BRIP1: variants seen among roughly 807,000 people sequenced by gnomAD.
BRIP1 encodes the protein BRCA1 interacting DNA helicase 1.
A neutral mutation model predicts 119.7 loss-of-function variants in BRIP1; 88 were observed. That is an observed-to-expected ratio of 0.74 (90% confidence interval 0.62 to 0.88). The LOEUF (loss-of-function observed/expected upper bound fraction) is 0.88. Ranked by LOEUF, BRIP1 falls within the 40% of genes least tolerant of loss-of-function variation. The pLI is 0.00. For missense variants in BRIP1, 1,259 were observed against 1,455.4 expected, an observed-to-expected ratio of 0.87 and a Z score of 2.20; for synonymous variants, 443 against 496.5, an observed-to-expected ratio of 0.89 and a Z score of 1.43.
At chr17:61,707,785 T>C (rs918109629) in intron 17 of BRIP1, among the ~76,000 whole-genome samples, 1 of 152,108 alleles carries the variant, frequency 6.6e-6, no homozygotes, top group African/African-American at 2.4e-5. Flanking sequence ...TAGCCTATAG[T>C]GCCTACAAAA....
Position 61,708,176 on chromosome 17 carries a change from C to T in BRIP1, c.2492+7775G>A, listed in dbSNP as rs911645975. 1.3e-5 allele frequency among the ~76,000 whole-genome samples: 2 copies of T among 152,118 alleles called. No individual in the cohort carries two copies. The highest frequency in any genetic ancestry group is 4.8e-5 in the African/African-American group (2 of 41,410). On this transcript the variant is annotated intron_variant, in intron 17 of 19. Transcript: ENST00000259008. The surrounding 1 kb of genome is among the most constrained non-coding windows in gnomAD (Gnocchi z 4.4). ...AGCCTAAAATATACACAATAGTCCC[C>T]CACAGCCACAATCTTGCCTATGGTC...
rs1276369901 is a variant in BRIP1, at chr17:61,853,221, A to G, written c.379+3837T>C. On this transcript the variant is annotated intron_variant, in intron 4 of 19. Transcript: ENST00000259008. This position sits in a 1 kb window ranked among gnomAD's most constrained non-coding sequence, Gnocchi z 4.3. ...AAGCAGAAGACAGACACAAGATTACATATATAATTCCATTTTTTTTTTTTG... is the reference window on the plus strand; with the variant it reads ...AAGCAGAAGACAGACACAAGATTACGTATATAATTCCATTTTTTTTTTTTG... 6.7e-6 allele frequency among the ~76,000 whole-genome samples: 1 copy of G among 149,556 alleles called. No individual in the cohort carries two copies. Among genetic ancestry groups the G allele is most frequent in the Non-Finnish European group, 1.5e-5 (1 of 67,292 alleles).
chr17:61,707,762 G>A (rs920310966), intron 17 of BRIP1, among the ~76,000 whole-genome samples: 4 of 151,830 alleles, frequency 2.6e-5, no homozygotes, highest in Admixed American at 1.3e-4. Flanking sequence ...CCTATCTGGG[G>A]GTTGGCAAAC....
chr17:61,688,250 G>C (rs548554164), intron 18 of BRIP1, among the ~76,000 whole-genome samples: 34 of 152,286 alleles, frequency 2.2e-4, no homozygotes, highest in Non-Finnish European at 4.7e-4. Context: ...GAGGCAGGCA[G>C]ATGACTTGAG....
chr17:61,852,093 A>C lies in BRIP1; in HGVS notation c.380-2837T>G, dbSNP rs1468948337. On this transcript the variant is annotated intron_variant, in intron 4 of 19. Transcript: ENST00000259008. The surrounding 1 kb of genome is among the most constrained non-coding windows in gnomAD (Gnocchi z 4.9). ...TCCCAAATAAATACGGGGCAAACTG[A>C]CATGGGCCTATTAAGAGGGTAGGGA... is the stretch of plus-strand genomic sequence containing the variant. 6.6e-6 allele frequency among the ~76,000 whole-genome samples: 1 copy of C among 152,236 alleles called. No homozygotes were observed. Among genetic ancestry groups the C allele is most frequent in the African/African-American group, 2.4e-5 (1 of 41,470 alleles).
rs979307741 is a variant in BRIP1, at chr17:61,690,255, T to C, written c.2575+3175A>G. Among the ~76,000 whole-genome samples the C allele has an allele frequency of 6.6e-6, 1 of 152,178 alleles. No individual in the cohort carries two copies. Among genetic ancestry groups the C allele is most frequent in the Non-Finnish European group, 1.5e-5 (1 of 68,044 alleles). ...AGCAACACAAAAGCATAAAGTTTGCTCGTGAAGTTAAAAGTGTACACAAAT... is the reference window on the plus strand; with the variant it reads ...AGCAACACAAAAGCATAAAGTTTGCCCGTGAAGTTAAAAGTGTACACAAAT... On this transcript the variant is annotated intron_variant, in intron 18 of 19. Transcript: ENST00000259008. This position sits in a 1 kb window ranked among gnomAD's most constrained non-coding sequence, Gnocchi z 5.6.
rs2078385557 is a variant in BRIP1, at chr17:61,825,150, T to C, written c.628-16393A>G. The stretch of plus-strand genomic sequence containing the variant: ...AATACAAAAAATTAGCTGGGCAAGG[T>C]GGCGGGCACCTGTAGTCTCAGCTAC... On this transcript the variant is annotated intron_variant, in intron 6 of 19. Coordinates refer to ENST00000259008, the MANE Select transcript of BRIP1 (RefSeq NM_032043.3). The surrounding 1 kb of genome is among the most constrained non-coding windows in gnomAD (Gnocchi z 4.1). Among the ~76,000 whole-genome samples the C allele has an allele frequency of 6.6e-6, 1 of 151,888 alleles. No homozygotes were observed. The highest frequency in any genetic ancestry group is 1.9e-4 in the East Asian group (1 of 5,168).
rs1362074432 is a variant in BRIP1, at chr17:61,807,228, C to A, written c.918+1239G>T. Among the ~76,000 whole-genome samples the A allele has an allele frequency of 1.3e-5, 2 of 152,062 alleles. No homozygotes were observed. Among genetic ancestry groups the A allele is most frequent in the African/African-American group, 4.8e-5 (2 of 41,396 alleles). ...AGCTTTATTTTATTATTTTTGAACACCTGACACTTAATACTTTCATCTCTC... is the reference window on the plus strand; with the variant it reads ...AGCTTTATTTTATTATTTTTGAACAACTGACACTTAATACTTTCATCTCTC... On this transcript the variant is annotated intron_variant, in intron 7 of 19. Coordinates refer to ENST00000259008, the MANE Select transcript of BRIP1 (RefSeq NM_032043.3). The surrounding 1 kb of genome is among the most constrained non-coding windows in gnomAD (Gnocchi z 4.5).
intron 16 of BRIP1, among the ~76,000 whole-genome samples, chr17:61,732,836 C>T (rs947822033): frequency 8.6e-5 from 13 of 151,944 alleles, no homozygotes; most frequent in African/African-American, 1.7e-4. Flanking sequence ...GAATTACAGA[C>T]GTGTGCCACC....
In BRIP1 at chr17:61,746,308, T is replaced by C. The variant is rs1420726129; in HGVS notation, c.2098-1717A>G. Among the ~76,000 whole-genome samples, 2 of 140,896 alleles carry C rather than the reference T, an allele frequency of 1.4e-5. No individual in the cohort carries two copies. Among genetic ancestry groups the C allele is most frequent in the African/African-American group, 5.4e-5 (2 of 37,320 alleles). 92.4% of individuals were successfully genotyped at this position (140,896 alleles called of 152,430 possible). ...GAGGAATAGAGGAACAAAAAAGCTGTAGTTAGACAGAAAACAATTATTGAA... is the reference window on the plus strand; with the variant it reads ...GAGGAATAGAGGAACAAAAAAGCTGCAGTTAGACAGAAAACAATTATTGAA... On this transcript the variant is annotated intron_variant, in intron 14 of 19. Transcript: ENST00000259008. The surrounding 1 kb of genome is among the most constrained non-coding windows in gnomAD (Gnocchi z 4.9).
In BRIP1 at chr17:61,691,732, G is replaced by C. The variant is rs181997407; in HGVS notation, c.2575+1698C>G. On this transcript the variant is annotated intron_variant, in intron 18 of 19. Transcript: ENST00000259008. This position sits in a 1 kb window ranked among gnomAD's most constrained non-coding sequence, Gnocchi z 5.0. ...GCCTCCCAAAACACTGGGATTACAG[G>C]CGTGAGCCACCATGCCCGGCTGCAA... Among the ~76,000 whole-genome samples, 181 of 152,318 alleles carry C rather than the reference G, an allele frequency of 1.2e-3. No homozygotes were observed. Among genetic ancestry groups the C allele is most frequent in the Non-Finnish European group, 1.7e-3 (113 of 68,032 alleles).
chr17:61,732,260 T>A (rs1285972581), intron 16 of BRIP1, among the ~76,000 whole-genome samples: 1 of 152,068 alleles, frequency 6.6e-6, no homozygotes, highest in Non-Finnish European at 1.5e-5. Context: ...GAATTACAGG[T>A]GTGAGCCACT....
chr17:61,723,609 C>A (rs573021390), intron 16 of BRIP1, among the ~76,000 whole-genome samples: 1 of 152,120 alleles, frequency 6.6e-6, no homozygotes, highest in Non-Finnish European at 1.5e-5. Context: ...AAAGTAAGCA[C>A]CATAAACTGA....
chr17:61,711,778 G>A (rs2061778791), intron 17 of BRIP1, among the ~76,000 whole-genome samples: 1 of 152,034 alleles, frequency 6.6e-6, no homozygotes, highest in East Asian at 1.9e-4. Flanking sequence ...TGAGGTAGGA[G>A]AATCGCTTGA....
Position 61,778,723 on chromosome 17 carries a change from G to A in BRIP1, c.1935+1538C>T, listed in dbSNP as rs1474441739. On this transcript the variant is annotated intron_variant, in intron 13 of 19. Transcript: ENST00000259008. This position sits in a 1 kb window ranked among gnomAD's most constrained non-coding sequence, Gnocchi z 4.4. ...CTAAAGAAAGCAACTTGAAAACGTG[G>A]AACATGTATTCTTCCTTCACTGCTG... 6.6e-6 allele frequency among the ~76,000 whole-genome samples: 1 copy of A among 152,146 alleles called. No homozygotes were observed. The highest frequency in any genetic ancestry group is 2.4e-5 in the African/African-American group (1 of 41,432).
In BRIP1 at chr17:61,842,954, T is replaced by C. The variant is rs2078678206; in HGVS notation, c.627+4147A>G. On this transcript the variant is annotated intron_variant, in intron 6 of 19. Transcript: ENST00000259008. The surrounding 1 kb of genome is among the most constrained non-coding windows in gnomAD (Gnocchi z 5.1). ...GATTAAAATCCAAGCAGTCTCAAGATATGAAAATAACCTAAGTGTCTGTCA... is the reference window on the plus strand; with the variant it reads ...GATTAAAATCCAAGCAGTCTCAAGACATGAAAATAACCTAAGTGTCTGTCA... Among the ~76,000 whole-genome samples the C allele has an allele frequency of 6.6e-6, 1 of 152,152 alleles. No individual in the cohort carries two copies. The highest frequency in any genetic ancestry group is 2.4e-5 in the African/African-American group (1 of 41,446).
chr17:61,818,385 C>G (rs2078269957), intron 6 of BRIP1, among the ~76,000 whole-genome samples: 1 of 152,164 alleles, frequency 6.6e-6, no homozygotes, highest in African/African-American at 2.4e-5. Flanking sequence ...TCCAAAGACA[C>G]TCTCAGGCAT....
chr17:61,797,027 T>C (rs2077910401), intron 9 of BRIP1, among the ~76,000 whole-genome samples: 1 of 151,994 alleles, frequency 6.6e-6, no homozygotes, highest in Non-Finnish European at 1.5e-5. Context: ...AGAAAAGCAA[T>C]TCTGTTTTAG....
Position 61,693,286 on chromosome 17 carries a change from C to T in BRIP1, c.2575+144G>A. ...TGTAAGATTTAAAAGTTCTAGATATCTGCTGTGAAATACTGTGCTTATAGT... is the reference window on the plus strand; with the variant it reads ...TGTAAGATTTAAAAGTTCTAGATATTTGCTGTGAAATACTGTGCTTATAGT... On this transcript the variant is annotated intron_variant, in intron 18 of 19. Transcript: ENST00000259008. This position sits in a 1 kb window ranked among gnomAD's most constrained non-coding sequence, Gnocchi z 4.2. 1.3e-6 allele frequency: 1 copy of T among 758,760 alleles called. No individual in the cohort carries two copies. Among genetic ancestry groups the T allele is most frequent in the African/African-American group, 1.7e-5 (1 of 57,204 alleles). 47.0% of individuals were successfully genotyped at this position (758,760 alleles called of 1,614,324 possible). A position where few individuals can be genotyped will look rare whatever the true frequency, so the allele number is the denominator to read the frequency against.
Sources: allele counts gnomAD v4.1 joint callset (sites outside exome capture counted in the v4.1 genomes callset), GRCh38; gene constraint gnomAD v4.1.1; non-coding constraint Gnocchi (gnomAD v3.1); transcripts MANE v1.5; gene names NCBI Gene and HGNC (gene_info 2026-07-23, HGNC 2026-07-21).